Variants in B3GALNT2 observed in about 807,000 individuals in gnomAD.
The protein encoded by B3GALNT2 is beta-1,3-N-acetylgalactosaminyltransferase 2, also known as UDP-GalNAc:beta-1,3-N-acetylgalactosaminyltransferase 2.
In B3GALNT2, 53 loss-of-function variants were observed where a neutral mutation model predicts 61.1. That is an observed-to-expected ratio of 0.87 (90% confidence interval 0.70 to 1.09). The LOEUF (loss-of-function observed/expected upper bound fraction) is 1.09. B3GALNT2 is among the 50% of genes least tolerant of loss of function. The pLI is 0.00. For synonymous variants in B3GALNT2, 223 were observed against 237.4 expected (o/e 0.94, Z 0.56); for missense variants, 544 against 623.0 (o/e 0.87, Z 1.35).
downstream of B3GALNT2, among the ~76,000 whole-genome samples, chr1:235,446,558 G>A (rs1399195239): frequency 2.0e-5 from 3 of 152,128 alleles, no homozygotes; most frequent in Non-Finnish European, 4.4e-5. Flanking sequence ...CTGGTCATAG[G>A]CAGGTAAAAA....
At chr1:235,493,291 G>T (rs1685167275) in intron 2 of B3GALNT2, among the ~76,000 whole-genome samples, 1 of 152,148 alleles carries the variant, frequency 6.6e-6, no homozygotes, top group African/African-American at 2.4e-5. Flanking sequence ...AACTGGTGGA[G>T]GAGTCATTAT....
intron 7 of B3GALNT2, chr1:235,465,330 T>G: frequency 3.6e-6 from 1 of 276,084 alleles, no homozygotes; most frequent in Non-Finnish European, 6.7e-6. Flanking sequence ...TTTCCATTTA[T>G]GTGAAATGTT....
Position 235,504,410 on chromosome 1 carries a change from G to T in B3GALNT2, c.-158C>A. On this transcript the variant is annotated 5_prime_UTR_variant, in exon 1 of 12. Transcript: ENST00000366600. ...TCTGGGGGGCTCCTCGCAGCTCCCG[G>T]CCCCGCTCCTCCGGTCCCTCAGACC... 3.9e-6 allele frequency: 3 copies of T among 760,298 alleles called. No individual in the cohort carries two copies. The highest frequency in any genetic ancestry group is 3.7e-5 in the East Asian group (1 of 27,046). 47.1% of individuals were successfully genotyped at this position (760,298 alleles called of 1,614,324 possible).
chr1:235,470,114 G>C (rs1683917397), intron 6 of B3GALNT2, among the ~76,000 whole-genome samples: 1 of 152,016 alleles, frequency 6.6e-6, no homozygotes, highest in Admixed American at 6.6e-5. Flanking sequence ...GCCCAGGCTG[G>C]TGTTAAACTC....
the B3GALNT2 span, chr1:235,441,912 T>C: frequency 6.3e-7 from 1 of 1,591,132 alleles, no homozygotes; most frequent in Non-Finnish European, 8.6e-7. Context: ...ATAGTTTATT[T>C]GTATTTGAGT....
chr1:235,464,047 G>T (rs552878872), intron 7 of B3GALNT2: 10 of 152,316 alleles, frequency 6.6e-5, no homozygotes, highest in African/African-American at 2.4e-4. Context: ...GCAAAAGAAT[G>T]AAGTTAAACC....
chr1:235,463,958 G>C (rs922355037), intron 7 of B3GALNT2: 21 of 152,174 alleles, frequency 1.4e-4, no homozygotes, highest in African/African-American at 4.8e-4. Context: ...GAATAGAATT[G>C]AGAGTCCTCA....
chr1:235,455,449 C>A lies in B3GALNT2; in HGVS notation c.1151+110G>T, dbSNP rs183264605. The stretch of plus-strand genomic sequence containing the variant: ...TATATATAAACCCAGGAGTCTAGTA[C>A]GAAATTGTATATCTCAACCACATTT... On this transcript the variant is annotated intron_variant, in intron 9 of 11. Coordinates refer to ENST00000366600, the MANE Select transcript of B3GALNT2 (RefSeq NM_152490.5). 1.5e-4 allele frequency: 179 copies of A among 1,210,422 alleles called. No individual in the cohort carries two copies. In the African/African-American group the frequency reaches 2.4e-3, roughly 16 times the overall value. The allele number at this position is 1,210,422 out of a possible 1,614,324, so 75.0% of individuals were successfully genotyped here.
At chr1:235,468,852 T>TATC (rs980032987) in intron 6 of B3GALNT2, among the ~76,000 whole-genome samples, 13 of 152,190 alleles carry the variant, frequency 8.5e-5, no homozygotes, top group African/African-American at 2.9e-4. Context: ...TAAGGAAAGA[T>TATC]ATAATTCCAT....
At chr1:235,451,521 C>T (rs182830111) in intron 11 of B3GALNT2, 23 of 133,670 alleles carry the variant, frequency 1.7e-4, no homozygotes, top group African/African-American at 6.2e-4. Flanking sequence ...GCGCCATGAA[C>T]AACAGTTGTA....
At chr1:235,487,358 T>C (rs754355991) in intron 3 of B3GALNT2, among the ~76,000 whole-genome samples, 1 of 152,224 alleles carries the variant, frequency 6.6e-6, no homozygotes, top group African/African-American at 2.4e-5. Flanking sequence ...CTTTATAAAA[T>C]AGCAGGCTCT....
In B3GALNT2 at chr1:235,449,215, A is replaced by G. The variant is rs923761319; in HGVS notation, c.*991T>C. The G allele has an allele frequency of 9.3e-6, 2 of 216,158 alleles. No homozygotes were observed. The highest frequency in any genetic ancestry group is 1.9e-5 in the Non-Finnish European group (2 of 106,914). The allele number at this position is 216,158 out of a possible 1,614,324, so 13.4% of individuals were successfully genotyped here. A position where few individuals can be genotyped will look rare whatever the true frequency, so the allele number is the denominator to read the frequency against. On this transcript the variant is annotated 3_prime_UTR_variant, in exon 12 of 12. Transcript: ENST00000366600. ...CTTGGGGAGACATCCTCTACTATGT[A>G]TAACAATATGCTATTATCTGTCTTC...
In B3GALNT2 at chr1:235,450,358, A is replaced by C; in HGVS notation, c.1369-18T>G. 1.2e-6 allele frequency: 2 copies of C among 1,612,926 alleles called. No homozygotes were observed. The highest frequency in any genetic ancestry group is 1.7e-6 in the Non-Finnish European group (2 of 1,179,048). ...AGACTGTCCTGTTGAGAAACAACCA[A>C]AGCCGATCTGAGAGTGGTGAAACTG... On this transcript the variant is annotated intron_variant, in intron 11 of 11. Transcript: ENST00000366600.
Position 235,448,885 on chromosome 1 carries a change from T to C in B3GALNT2, c.*1321A>G. The stretch of plus-strand genomic sequence containing the variant: ...GGGGGTTTACAACTTGTCCTAAGTA[T>C]AACAAGGGATGTATTTTTTGTTGGG... On this transcript the variant is annotated 3_prime_UTR_variant, in exon 12 of 12. Transcript: ENST00000366600. The C allele has an allele frequency of 1.3e-6, 1 of 755,316 alleles. No individual in the cohort carries two copies. Among genetic ancestry groups the C allele is most frequent in the Non-Finnish European group, 2.3e-6 (1 of 435,780 alleles). 46.8% of individuals were successfully genotyped at this position (755,316 alleles called of 1,614,324 possible). A position where few individuals can be genotyped will look rare whatever the true frequency, so the allele number is the denominator to read the frequency against.
chr1:235,474,682 G>T (rs1684154478), intron 5 of B3GALNT2, among the ~76,000 whole-genome samples: 1 of 151,766 alleles, frequency 6.6e-6, no homozygotes, highest in Admixed American at 6.6e-5. Context: ...TTAGCCAGGT[G>T]TGGTGGCAGG....
At chr1:235,465,218 T>C (rs890916588) in intron 7 of B3GALNT2, 1 of 155,090 alleles carries the variant, frequency 6.4e-6, no homozygotes, top group Non-Finnish European at 1.4e-5. Flanking sequence ...TGCAATAGAA[T>C]ATTATATGAT....
intron 5 of B3GALNT2, among the ~76,000 whole-genome samples, chr1:235,476,970 A>T (rs988852142): frequency 6.6e-6 from 1 of 151,708 alleles, no homozygotes; most frequent in African/African-American, 2.4e-5. Context: ...GGCTGCGGTG[A>T]GCTATGATCA....
intron 6 of B3GALNT2, among the ~76,000 whole-genome samples, chr1:235,469,648 G>T (rs895663448): frequency 2.6e-5 from 4 of 151,936 alleles, no homozygotes; most frequent in African/African-American, 9.7e-5. Context: ...CACCTCTGGG[G>T]TTCAAGCAAT....
chr1:235,452,451 A>T (rs1640476819), intron 11 of B3GALNT2: 1 of 152,188 alleles, frequency 6.6e-6, no homozygotes, highest in Admixed American at 6.6e-5. Context: ...TTATGGTAGA[A>T]GATCCTCATT....
Sources: gnomAD v4.1 joint callset for allele counts (sites outside exome capture counted in the v4.1 genomes callset) on GRCh38, gnomAD v4.1.1 for gene constraint, MANE v1.5 for transcripts, NCBI Gene and HGNC (gene_info 2026-07-23, HGNC 2026-07-21) for gene names.